RAI2: variants seen among roughly 807,000 people sequenced by gnomAD.
The protein encoded by RAI2 is retinoic acid-induced protein 2.
RAI2 carries 5 observed loss-of-function variants against 15.3 expected under a neutral mutation model. The observed-to-expected ratio is 0.33, with a 90% CI of 0.17 to 0.69. RAI2 has a LOEUF of 0.69. Among genes scored for constraint, RAI2 ranks in the 30% least tolerant of loss-of-function variants. RAI2 has a pLI of 0.69. For synonymous variants in RAI2, 191 were observed against 184.0 expected (o/e 1.04, Z -0.31); for missense variants, 424 against 424.7 (o/e 1.00, Z 0.01).
rs760713827 is a variant in RAI2, at chrX:17,800,883, C to T, written c.1128G>A (p.Glu376=). 7 of 1,209,458 alleles carry T rather than the reference C, an allele frequency of 5.8e-6. No individual in the cohort carries two copies. The Admixed American group carries it at 1.3e-4, about 23-fold the overall frequency. ...SVDSSGHTVM[E]KLPSGMEISF... is the part of the protein sequence containing the mutation. ...AAATTTCCATGCCACTGGGAAGTTT[C>T]TCCATCACTGTGTGACCTGAGCTGT... is the stretch of plus-strand genomic sequence containing the variant. The change falls in exon 2 of 2, where the codon GAG becomes GAA. Residue 376 remains glutamate (E), a synonymous_variant. Transcript: ENST00000451717.
chrX:17,834,624 G>A (rs774984945), intron 1 of RAI2, among the ~76,000 whole-genome samples: 2 of 110,941 alleles, frequency 1.8e-5, no homozygotes, highest in Non-Finnish European at 3.8e-5. Flanking sequence ...TAAGGATTTC[G>A]TAGTTGATTA....
At chrX:17,826,283 A>G (rs927854185) in intron 1 of RAI2, among the ~76,000 whole-genome samples, 6 of 109,503 alleles carry the variant, frequency 5.5e-5, no homozygotes, top group African/African-American at 2.0e-4. Context: ...CATTTGGAAC[A>G]GTCACCACCT....
chrX:17,851,452 T>A (rs2067532602), intron 1 of RAI2, among the ~76,000 whole-genome samples: 1 of 112,067 alleles, frequency 8.9e-6, no homozygotes, highest in Non-Finnish European at 1.9e-5. Flanking sequence ...AAATGGAAAT[T>A]AATAGGAAAT....
chrX:17,815,578 T>C (rs899609039), intron 1 of RAI2, among the ~76,000 whole-genome samples: 2 of 111,095 alleles, frequency 1.8e-5, no homozygotes, highest in Non-Finnish European at 3.8e-5. Flanking sequence ...GGAGGAGGGT[T>C]TTCCAAAAGT....
At chrX:17,858,052 G>T (rs776715194) in intron 1 of RAI2, among the ~76,000 whole-genome samples, 3 of 111,254 alleles carry the variant, frequency 2.7e-5, no homozygotes. Flanking sequence ...TCATACTCCA[G>T]TTTTAGTCCT....
chrX:17,825,253 T>G (rs1187202299), intron 1 of RAI2, among the ~76,000 whole-genome samples: 1 of 113,101 alleles, frequency 8.8e-6, no homozygotes, highest in African/African-American at 3.2e-5. Flanking sequence ...ATATTTAAGC[T>G]TGTGCTAAAC....
intron 1 of RAI2, among the ~76,000 whole-genome samples, chrX:17,803,150 C>T (rs1017107074): frequency 9.0e-6 from 1 of 111,323 alleles, no homozygotes; most frequent in South Asian, 3.8e-4. Flanking sequence ...CTGTGGTCAG[C>T]TCGTCCTCCT....
At chrX:17,816,294 G>A (rs1053252780) in intron 1 of RAI2, among the ~76,000 whole-genome samples, 9 of 111,333 alleles carry the variant, frequency 8.1e-5, no homozygotes, top group African/African-American at 2.9e-4. Context: ...GTGAATCCCC[G>A]GGAATGGTTG....
At chrX:17,838,745 A>G (rs898371192) in intron 1 of RAI2, among the ~76,000 whole-genome samples, 1 of 110,859 alleles carries the variant, frequency 9.0e-6, no homozygotes, top group African/African-American at 3.3e-5. Flanking sequence ...ACCACCCTGC[A>G]ACACCACATG....
chrX:17,811,646 A>AG (rs984819852), intron 1 of RAI2, among the ~76,000 whole-genome samples: 1 of 112,173 alleles, frequency 8.9e-6, no homozygotes, highest in African/African-American at 3.2e-5. Context: ...AGACCCTCTG[A>AG]GGGGTCACTG....
intron 1 of RAI2, among the ~76,000 whole-genome samples, chrX:17,836,172 C>T (rs10521677): frequency 0.038 from 4,204 of 110,387 alleles, 88 homozygotes; most frequent in South Asian, 0.065. Flanking sequence ...CAAACAGTAT[C>T]GGGAGTGACA....
At chrX:17,825,216 G>T (rs1164693968) in intron 1 of RAI2, among the ~76,000 whole-genome samples, 1 of 112,950 alleles carries the variant, frequency 8.9e-6, no homozygotes, top group Admixed American at 9.3e-5. Flanking sequence ...CCAAAATGCT[G>T]CGGGAGACCG....
chrX:17,820,632 A>T (rs1391631952), intron 1 of RAI2, among the ~76,000 whole-genome samples: 2 of 111,985 alleles, frequency 1.8e-5, no homozygotes, highest in Admixed American at 1.9e-4. Context: ...TTGTGAGTCA[A>T]GCCTGCACAC....
chrX:17,843,358 T>C lies in RAI2; in HGVS notation c.-25+17740A>G, dbSNP rs367865779. ...CAGTTGAACACACCTAAGGTTTGCA[T>C]GAAAGGGCAGACATTACTCATGGCA... On this transcript the variant is annotated intron_variant, in intron 1 of 1. Transcript: ENST00000451717. 7.0e-4 allele frequency among the ~76,000 whole-genome samples: 78 copies of C among 111,695 alleles called. 3 individuals carry two copies. The South Asian group carries it at 0.029, about 42-fold the overall frequency.
intron 1 of RAI2, among the ~76,000 whole-genome samples, chrX:17,810,827 T>C (rs990676673): frequency 1.8e-5 from 2 of 112,962 alleles, no homozygotes; most frequent in African/African-American, 6.4e-5. Context: ...TTTGTGGCCA[T>C]TCATTTTTAT....
chrX:17,858,016 T>C (rs905135035), intron 1 of RAI2, among the ~76,000 whole-genome samples: 4 of 110,740 alleles, frequency 3.6e-5, no homozygotes, highest in Non-Finnish European at 7.6e-5. Flanking sequence ...TTTGTATGTT[T>C]GGTTAGGGGC....
intron 1 of RAI2, among the ~76,000 whole-genome samples, chrX:17,814,911 T>G (rs1569345613): frequency 9.2e-6 from 1 of 108,304 alleles, no homozygotes; most frequent in Non-Finnish European, 1.9e-5. Context: ...AAACACTACT[T>G]CACTTCATCA....
intron 1 of RAI2, among the ~76,000 whole-genome samples, chrX:17,812,240 C>T (rs2067057673): frequency 8.9e-6 from 1 of 111,754 alleles, no homozygotes; most frequent in Non-Finnish European, 1.9e-5. Context: ...ACCCATGCTC[C>T]CTTTGCACCT....
At chrX:17,828,000 C>T (rs1445372565) in intron 1 of RAI2, among the ~76,000 whole-genome samples, 1 of 110,701 alleles carries the variant, frequency 9.0e-6, no homozygotes, top group Non-Finnish European at 1.9e-5. Flanking sequence ...GGACATTTGG[C>T]AATGTATAGG....
Sources: gnomAD v4.1 joint callset for allele counts (sites outside exome capture counted in the v4.1 genomes callset) on GRCh38, gnomAD v4.1.1 for gene constraint, MANE v1.5 for transcripts, NCBI Gene and HGNC (gene_info 2026-07-23, HGNC 2026-07-21) for gene names.